The following PWWP2A variants were observed in gnomAD, a reference collection of about 807,000 sequenced individuals.
PWWP2A encodes PWWP domain containing 2A.
In PWWP2A, 18 loss-of-function variants were observed where a neutral mutation model predicts 48.5. The ratio of observed to expected loss-of-function variants is 0.37; its 90% CI spans 0.26 to 0.55. PWWP2A has a LOEUF of 0.55. Among genes scored for constraint, PWWP2A ranks in the 20% least tolerant of loss-of-function variants. The pLI is 0.81. For missense variants in PWWP2A, 867 were observed against 976.4 expected (o/e 0.89, Z 1.49); for synonymous variants, 396 against 387.7 (o/e 1.02, Z -0.25).
In PWWP2A at chr5:160,093,360, T is replaced by C; in HGVS notation, c.1290A>G (p.Glu430=). The change falls in exon 2 of 2, where the codon GAA becomes GAG. Residue 430 remains glutamate, a synonymous_variant. Coordinates refer to ENST00000307063, the MANE Select transcript of PWWP2A (RefSeq NM_001130864.2). The surrounding 1 kb of genome is among the most constrained non-coding windows in gnomAD (Gnocchi z 5.8). ...SKNMDHAKAR[E]VLKIAKEKAQ... ...CCTTTTCTTTGGCAATTTTTAACAC[T>C]TCCCGAGCTTTCGCATGATCCATGT... is the stretch of plus-strand genomic sequence containing the variant. 1.9e-6 allele frequency: 3 copies of C among 1,613,922 alleles called. No individual in the cohort carries two copies. The highest frequency in any genetic ancestry group is 1.3e-5 in the African/African-American group (1 of 75,074).
the PWWP2A span, among the ~76,000 whole-genome samples, chr5:160,047,670 G>A: frequency 6.6e-6 from 1 of 152,090 alleles, no homozygotes; most frequent in East Asian, 1.9e-4. Context: ...TCCTTTCCCT[G>A]GCCAGGAAGG....
chr5:160,073,004 C>CAAAAAAAA (rs35836307), downstream of PWWP2A, among the ~76,000 whole-genome samples: 51 of 58,858 alleles, frequency 8.7e-4, no homozygotes, highest in African/African-American at 3.5e-3. Flanking sequence ...GGCTCCGTCT[C>CAAAAAAAA]AAAAAAAAAA....
chr5:160,091,376 G>GTTTTT lies in PWWP2A; in HGVS notation c.*1001_*1005dup. On this transcript the variant is annotated 3_prime_UTR_variant, in exon 2 of 2. Transcript: ENST00000307063. ...TGATTTTATTTACAGCTTTTTTTTG[G>GTTTTT]TTTTTTTTTTTTTTTTTACATTTCA... 4 of 880,396 alleles carry GTTTTT rather than the reference G, an allele frequency of 4.5e-6. No homozygotes were observed. The highest frequency in any genetic ancestry group is 5.3e-6 in the Non-Finnish European group (4 of 749,340). The allele number at this position is 880,396 out of a possible 1,614,324, so 54.5% of individuals were successfully genotyped here. A position where few individuals can be genotyped will look rare whatever the true frequency, so the allele number is the denominator to read the frequency against.
downstream of PWWP2A, among the ~76,000 whole-genome samples, chr5:160,073,533 A>ATCTT (rs1443205421): frequency 1.3e-5 from 2 of 152,136 alleles, no homozygotes; most frequent in African/African-American, 4.8e-5. Flanking sequence ...GGCCAAAAAC[A>ATCTT]TCTTTAACAT....
At chr5:160,048,667 C>G in the PWWP2A span, among the ~76,000 whole-genome samples, 1 of 152,258 alleles carries the variant, frequency 6.6e-6, no homozygotes, top group East Asian at 1.9e-4. Context: ...TCTTAGTACT[C>G]AAGACCTAGA....
chr5:160,048,126 C>CTTTTTTTTTTTTT, the PWWP2A span, among the ~76,000 whole-genome samples: 3 of 35,538 alleles, frequency 8.4e-5, no homozygotes, highest in African/African-American at 3.7e-4. Context: ...CAAGACATTG[C>CTTTTTTTTTTTTT]TTTTTTTTTT....
intron 1 of PWWP2A, among the ~76,000 whole-genome samples, chr5:160,114,176 C>T (rs533905912): frequency 1.4e-4 from 21 of 152,180 alleles, no homozygotes; most frequent in Non-Finnish European, 1.6e-4. Context: ...TGGCTGAGTG[C>T]AGTGGCTCAC....
chr5:160,096,896 T>G (rs956752791), intron 1 of PWWP2A, among the ~76,000 whole-genome samples: 4 of 152,246 alleles, frequency 2.6e-5, no homozygotes, highest in Non-Finnish European at 1.5e-5. Flanking sequence ...CTAAACTCAT[T>G]TTTGCATGTG....
chr5:160,099,823 G>A (rs1446859755), intron 1 of PWWP2A, among the ~76,000 whole-genome samples: 2 of 151,738 alleles, frequency 1.3e-5, no homozygotes, highest in African/African-American at 4.8e-5. Flanking sequence ...GTGCCACCAC[G>A]CCCCGCTAAT....
At chr5:160,115,137 CAAAAAAAAA>C (rs535110852) in intron 1 of PWWP2A, among the ~76,000 whole-genome samples, 55 of 88,424 alleles carry the variant, frequency 6.2e-4, no homozygotes, top group African/African-American at 2.6e-3. Flanking sequence ...GAGACTCTGT[CAAAAAAAAA>C]AAAAAAAAAA....
At chr5:160,067,314 A>G (rs1399962695) in intron 2 of PWWP2A, among the ~76,000 whole-genome samples, 2 of 152,192 alleles carry the variant, frequency 1.3e-5, no homozygotes, top group Non-Finnish European at 2.9e-5. Context: ...AGCTTTCATA[A>G]TACAAAATAC....
chr5:160,096,171 C>T (rs1007069988), intron 1 of PWWP2A, among the ~76,000 whole-genome samples: 1 of 152,102 alleles, frequency 6.6e-6, no homozygotes, highest in Non-Finnish European at 1.5e-5. Context: ...AGTCTGGCTA[C>T]CACAAACCAA....
the PWWP2A span, among the ~76,000 whole-genome samples, chr5:160,050,776 C>T: frequency 6.6e-6 from 1 of 151,872 alleles, no homozygotes; most frequent in Non-Finnish European, 1.5e-5. Flanking sequence ...CAGACACATG[C>T]CAACACACCC....
the PWWP2A span, among the ~76,000 whole-genome samples, chr5:160,054,636 C>T: frequency 7.9e-5 from 12 of 151,540 alleles, no homozygotes; most frequent in African/African-American, 2.9e-4. Context: ...AAAGAAAAAT[C>T]TCATGTGAAA....
the PWWP2A span, among the ~76,000 whole-genome samples, chr5:160,056,689 T>C: frequency 6.6e-6 from 1 of 152,178 alleles, no homozygotes; most frequent in African/African-American, 2.4e-5. Flanking sequence ...CACCACTTCA[T>C]GCCAGTCTGG....
rs761681140 is a variant in PWWP2A, at chr5:160,078,309, C to T, written c.1670-141G>A. 2.0e-5 allele frequency: 13 copies of T among 645,750 alleles called. No homozygotes were observed. The highest frequency in any genetic ancestry group is 7.3e-5 in the African/African-American group (4 of 54,770). 40.0% of individuals were successfully genotyped at this position (645,750 alleles called of 1,614,324 possible). A position where few individuals can be genotyped will look rare whatever the true frequency, so the allele number is the denominator to read the frequency against. On this transcript the variant is annotated intron_variant, in intron 3 of 3. Coordinates refer to the PWWP2A transcript ENST00000456329. This position sits in a 1 kb window ranked among gnomAD's most constrained non-coding sequence, Gnocchi z 4.2. The stretch of plus-strand genomic sequence containing the variant: ...TTCTTTTAAATCGGTTAAACCTGAC[C>T]GATGTTGTTTTGAGAAAACAACTTA...
At chr5:160,115,288 G>T (rs945889961) in intron 1 of PWWP2A, among the ~76,000 whole-genome samples, 3 of 152,008 alleles carry the variant, frequency 2.0e-5, no homozygotes, top group African/African-American at 7.3e-5. Context: ...GGCTGCAATG[G>T]CTTATGCCTG....
the PWWP2A span, among the ~76,000 whole-genome samples, chr5:160,045,520 A>ACACACTCTCTCT: frequency 2.7e-4 from 15 of 54,878 alleles, no homozygotes; most frequent in Non-Finnish European, 3.6e-4. Flanking sequence ...ACACATACAC[A>ACACACTCTCTCT]CTCTCTCTCT....
At chr5:160,049,732 A>C in the PWWP2A span, 1 of 1,242,306 alleles carries the variant, frequency 8.0e-7, no homozygotes, top group Non-Finnish European at 1.1e-6. Flanking sequence ...GTCCTAAATA[A>C]TCCTTTCAGA....
Sources: allele counts gnomAD v4.1 joint callset (sites outside exome capture counted in the v4.1 genomes callset), GRCh38; gene constraint gnomAD v4.1.1; non-coding constraint Gnocchi (gnomAD v3.1); transcripts MANE v1.5; gene names NCBI Gene and HGNC (gene_info 2026-07-23, HGNC 2026-07-21).